Variants in RBMS3 observed in about 807,000 individuals in gnomAD.
RBMS3 encodes the protein RNA-binding motif, single-stranded-interacting protein 3.
A neutral mutation model predicts 66.8 loss-of-function variants in RBMS3; 27 were observed. The observed-to-expected ratio is 0.40, with a 90% CI of 0.30 to 0.56. RBMS3 has a LOEUF of 0.56. Among genes scored for constraint, RBMS3 ranks in the 20% least tolerant of loss-of-function variants. The pLI, the probability that RBMS3 is intolerant of heterozygous loss-of-function variation, is 0.40. For missense variants in RBMS3, 513 were observed against 549.5 expected (o/e 0.93, Z 0.66); for synonymous variants, 188 against 183.0 (o/e 1.03, Z -0.22).
chr3:29,371,138 T>C (rs1250270904), intron 1 of RBMS3, among the ~76,000 whole-genome samples: 2 of 152,220 alleles, frequency 1.3e-5, no homozygotes, highest in Non-Finnish European at 2.9e-5. Flanking sequence ...GTTTTGTTCA[T>C]GGAGTGGGAA....
intron 10 of RBMS3, among the ~76,000 whole-genome samples, chr3:29,922,419 G>A (rs575241816): frequency 6.6e-6 from 1 of 151,052 alleles, no homozygotes; most frequent in East Asian, 1.9e-4. Context: ...CCCGGGAAGC[G>A]GAGCTTTCAG....
At position 29,386,562 on chromosome 3, in the gene RBMS3, C is replaced by G. The variant is rs191460795; in HGVS notation, c.76-48181C>G. Among the ~76,000 whole-genome samples, 399 of 152,220 alleles carry G rather than the reference C, an allele frequency of 2.6e-3. 10 individuals carry two copies. The highest frequency in any genetic ancestry group is 0.023 in the Admixed American group (356 of 15,304). On this transcript the variant is annotated intron_variant, in intron 1 of 14. Transcript: ENST00000383767. ...TCTACTTGTGCACTGGATCACATAC[C>G]TCTTCTGTATACAAAGCAGCAATTG...
At chr3:29,607,648 T>C (rs2048358101) in intron 4 of RBMS3, among the ~76,000 whole-genome samples, 1 of 151,776 alleles carries the variant, frequency 6.6e-6, no homozygotes, top group African/African-American at 2.4e-5. Context: ...CTGAATTTGA[T>C]TTTTTTTCCC....
intron 4 of RBMS3, among the ~76,000 whole-genome samples, chr3:29,734,410 C>A (rs952846492): frequency 2.0e-5 from 3 of 151,872 alleles, no homozygotes; most frequent in African/African-American, 7.3e-5. Flanking sequence ...TTGAATGTTC[C>A]CAACACAAAG....
intron 1 of RBMS3, among the ~76,000 whole-genome samples, chr3:29,375,287 C>T: frequency 6.6e-6 from 1 of 152,100 alleles, no homozygotes; most frequent in African/African-American, 2.4e-5. Context: ...ACATTCAGGC[C>T]ATAGGCACAG....
intron 6 of RBMS3, among the ~76,000 whole-genome samples, chr3:29,847,840 T>C (rs532108648): frequency 1.1e-3 from 169 of 152,180 alleles, no homozygotes; most frequent in African/African-American, 3.8e-3. Context: ...GTGTTTTTAG[T>C]AGAGACGGGG....
intron 2 of RBMS3, among the ~76,000 whole-genome samples, chr3:29,448,548 A>G (rs562504124): frequency 6.6e-6 from 1 of 152,228 alleles, no homozygotes; most frequent in African/African-American, 2.4e-5. Flanking sequence ...AGAATAATGC[A>G]TTTGTATTCA....
intron 2 of RBMS3, among the ~76,000 whole-genome samples, chr3:29,468,204 ACT>A (rs2042603922): frequency 6.6e-6 from 1 of 152,074 alleles, no homozygotes; most frequent in Admixed American, 6.5e-5. Context: ...GTCTACCGGC[ACT>A]CTACATGCTG....
chr3:29,953,659 G>T (rs1299379744), intron 12 of RBMS3, among the ~76,000 whole-genome samples: 1 of 151,836 alleles, frequency 6.6e-6, no homozygotes, highest in Non-Finnish European at 1.5e-5. Context: ...ACTGTTCTTA[G>T]TGCTCTACGT....
At chr3:29,656,272 T>C (rs1211253959) in intron 4 of RBMS3, among the ~76,000 whole-genome samples, 1 of 152,206 alleles carries the variant, frequency 6.6e-6, no homozygotes, top group African/African-American at 2.4e-5. Flanking sequence ...GCTCCATTCA[T>C]GTACATCATT....
intron 1 of RBMS3, among the ~76,000 whole-genome samples, chr3:29,360,326 G>T (rs377285507): frequency 6.6e-6 from 1 of 151,908 alleles, no homozygotes; most frequent in Non-Finnish European, 1.5e-5. Context: ...TTCAGGAGCA[G>T]GTTGTTCAGT....
At chr3:29,342,888 A>T (rs747917364) in intron 1 of RBMS3, among the ~76,000 whole-genome samples, 2 of 152,184 alleles carry the variant, frequency 1.3e-5, no homozygotes, top group Non-Finnish European at 2.9e-5. Context: ...AAATAAATGG[A>T]AATTAATGGA....
intron 4 of RBMS3, among the ~76,000 whole-genome samples, chr3:29,593,889 CAATTGGTTTGAAGAA>C (rs967956222): frequency 2.6e-5 from 4 of 152,048 alleles, no homozygotes; most frequent in African/African-American, 9.7e-5. Flanking sequence ...TAGATTGTAA[CAATTGGTTTGAAGAA>C]AATTAAAACC....
intron 3 of RBMS3, among the ~76,000 whole-genome samples, chr3:29,492,345 CA>C (rs2148920750): frequency 6.6e-6 from 1 of 152,028 alleles, no homozygotes; most frequent in South Asian, 2.1e-4. Context: ...AGAAAGACAG[CA>C]ATTATAGAAA....
chr3:29,565,713 A>T (rs1213817352), intron 3 of RBMS3, among the ~76,000 whole-genome samples: 1 of 152,200 alleles, frequency 6.6e-6, no homozygotes, highest in African/African-American at 2.4e-5. Context: ...AACACTAGAT[A>T]TCCTTGTTTT....
intron 3 of RBMS3, among the ~76,000 whole-genome samples, chr3:29,580,923 A>G (rs1251294892): frequency 6.6e-6 from 1 of 152,146 alleles, no homozygotes; most frequent in Non-Finnish European, 1.5e-5. Context: ...TAAGTGTCTG[A>G]GGCTGCAACC....
chr3:29,645,338 GTTGGGCT>G, intron 4 of RBMS3, among the ~76,000 whole-genome samples: 1 of 152,190 alleles, frequency 6.6e-6, no homozygotes, highest in South Asian at 2.1e-4. Context: ...TGCTGAATGA[GTTGGGCT>G]TTGTAAAAGT....
chr3:29,669,561 C>T lies in RBMS3; in HGVS notation c.400-70159C>T, dbSNP rs574145378. ...TATTTTTGTAATTTCCCTTAAGATC[C>T]GCAAAATGAAGTCCGGAGTGACTGG... On this transcript the variant is annotated intron_variant, in intron 4 of 14. Transcript: ENST00000383767. 7.9e-5 allele frequency among the ~76,000 whole-genome samples: 12 copies of T among 152,168 alleles called. No homozygotes were observed. The South Asian group carries it at 1.5e-3, about 18-fold the overall frequency.
At chr3:29,826,402 A>G (rs2149481747) in intron 6 of RBMS3, among the ~76,000 whole-genome samples, 1 of 152,258 alleles carries the variant, frequency 6.6e-6, no homozygotes. Flanking sequence ...TGCCTCTTCC[A>G]TGAAGACTTC....
Sources: allele counts gnomAD v4.1 joint callset (sites outside exome capture counted in the v4.1 genomes callset), GRCh38; gene constraint gnomAD v4.1.1; transcripts MANE v1.5; gene names NCBI Gene and HGNC (gene_info 2026-07-23, HGNC 2026-07-21).